SOX6: variants seen among roughly 807,000 people sequenced by gnomAD.
The protein encoded by SOX6 is transcription factor SOX-6.
A neutral mutation model predicts 97.8 loss-of-function variants in SOX6; 11 were observed. The ratio of observed to expected loss-of-function variants is 0.11; its 90% CI spans 0.07 to 0.19. The LOEUF (loss-of-function observed/expected upper bound fraction) is 0.19, where lower values mean the gene tolerates loss of function less well. Among genes scored for constraint, SOX6 ranks in the 10% least tolerant of loss-of-function variants. The pLI, the probability that SOX6 is intolerant of heterozygous loss-of-function variation, is 1.00. For missense variants in SOX6, 810 were observed against 1,039.5 expected, an observed-to-expected ratio of 0.78 and a Z score of 3.04; for synonymous variants, 360 against 371.4, an observed-to-expected ratio of 0.97 and a Z score of 0.35.
chr11:16,036,307 G>A (rs1400041467), intron 12 of SOX6, among the ~76,000 whole-genome samples: 2 of 152,132 alleles, frequency 1.3e-5, no homozygotes, highest in Admixed American at 6.5e-5. Flanking sequence ...TCGAACTCCC[G>A]ACCTCAGGTG....
chr11:16,549,440 A>G (rs12799024), intron 4 of SOX6, among the ~76,000 whole-genome samples: 29,560 of 152,164 alleles, frequency 0.19, 3,487 homozygotes, highest in Admixed American at 0.33. Flanking sequence ...ATATAACTAA[A>G]ATTTTTTAAA....
intron 4 of SOX6, among the ~76,000 whole-genome samples, chr11:16,536,409 G>A (rs1385768415): frequency 6.6e-6 from 1 of 152,182 alleles, no homozygotes; most frequent in African/African-American, 2.4e-5. Flanking sequence ...GGTGATTTCT[G>A]CATTTCCAAC....
intron 15 of SOX6, among the ~76,000 whole-genome samples, chr11:15,974,849 A>G (rs4756841): frequency 0.32 from 48,645 of 151,882 alleles, 9,358 homozygotes; most frequent in Non-Finnish European, 0.43. Context: ...AGGTATACCA[A>G]CTCACCCAAT....
chr11:16,262,976 C>A (rs1207975508), intron 3 of SOX6, among the ~76,000 whole-genome samples: 5 of 151,896 alleles, frequency 3.3e-5, no homozygotes, highest in African/African-American at 1.2e-4. Flanking sequence ...TATTCTCAAA[C>A]ATCACAAAAC....
intron 3 of SOX6, among the ~76,000 whole-genome samples, chr11:16,265,407 C>T (rs1854052802): frequency 6.6e-6 from 1 of 151,706 alleles, no homozygotes; most frequent in South Asian, 2.1e-4. Context: ...ATAAATCCTG[C>T]CTTATCCTGC....
At chr11:16,320,357 G>A (rs950618209) in intron 2 of SOX6, among the ~76,000 whole-genome samples, 1 of 152,032 alleles carries the variant, frequency 6.6e-6, no homozygotes, top group African/African-American at 2.4e-5. Context: ...TGGGAAAAGG[G>A]GGGAAAAGGA....
intron 4 of SOX6, among the ~76,000 whole-genome samples, chr11:16,589,491 T>G (rs1848127827): frequency 6.6e-6 from 1 of 152,148 alleles, no homozygotes; most frequent in South Asian, 2.1e-4. Context: ...TTTAAAATGA[T>G]TCTTCCAAAA....
At chr11:16,559,878 C>T (rs1847788806) in intron 4 of SOX6, among the ~76,000 whole-genome samples, 1 of 152,036 alleles carries the variant, frequency 6.6e-6, no homozygotes, top group Non-Finnish European at 1.5e-5. Flanking sequence ...ATTTTCCTAG[C>T]ATATTAATGC....
chr11:16,483,808 T>A (rs752731840), intron 4 of SOX6, among the ~76,000 whole-genome samples: 1 of 152,164 alleles, frequency 6.6e-6, no homozygotes, highest in Non-Finnish European at 1.5e-5. Flanking sequence ...CAGTTCCTGT[T>A]GTAGTTGAGT....
chr11:15,986,032 T>C (rs1853825983), intron 15 of SOX6, among the ~76,000 whole-genome samples, 172 bp downstream of exon 15: 1 of 152,138 alleles, frequency 6.6e-6, no homozygotes. Flanking sequence ...GCAAAAGCCA[T>C]GGTGCAAGGC....
intron 4 of SOX6, among the ~76,000 whole-genome samples, chr11:16,206,353 T>C (rs1852072352): frequency 6.6e-6 from 1 of 152,218 alleles, no homozygotes; most frequent in African/African-American, 2.4e-5. Flanking sequence ...TACATCATTC[T>C]GTATATGAGG....
At chr11:16,542,346 G>C (rs1362342234) in intron 4 of SOX6, among the ~76,000 whole-genome samples, 1 of 152,090 alleles carries the variant, frequency 6.6e-6, no homozygotes, top group Non-Finnish European at 1.5e-5. Context: ...GATAGCATTA[G>C]GAGAAATACC....
chr11:16,636,558 G>C (rs925704033), intron 3 of SOX6, among the ~76,000 whole-genome samples: 1 of 152,178 alleles, frequency 6.6e-6, no homozygotes, highest in African/African-American at 2.4e-5. Flanking sequence ...TTGGGGGACT[G>C]TTGGGAAGGC....
intron 3 of SOX6, among the ~76,000 whole-genome samples, chr11:16,269,587 A>G (rs12274377): frequency 1.3e-5 from 2 of 150,436 alleles, no homozygotes; most frequent in East Asian, 3.9e-4. Flanking sequence ...ATGTCGTTTT[A>G]TTTGTTCAGA....
At chr11:16,394,129 T>C (rs1052119687) in intron 1 of SOX6, among the ~76,000 whole-genome samples, 6 of 151,974 alleles carry the variant, frequency 3.9e-5, no homozygotes, top group Admixed American at 1.3e-4. Flanking sequence ...TTCCAAATAT[T>C]GTGAGATTGA....
chr11:16,682,910 G>A (rs986517820), intron 3 of SOX6, among the ~76,000 whole-genome samples: 1 of 152,154 alleles, frequency 6.6e-6, no homozygotes, highest in African/African-American at 2.4e-5. Flanking sequence ...CAAAATCAAT[G>A]TACAAAAATC....
At chr11:16,424,680 T>C (rs140976510) in intron 1 of SOX6, among the ~76,000 whole-genome samples, 2 of 152,206 alleles carry the variant, frequency 1.3e-5, no homozygotes, top group Non-Finnish European at 2.9e-5. Context: ...AGACTATGGA[T>C]GGAATTCCTA....
chr11:16,283,897 G>C (rs995702849), intron 3 of SOX6: 2 of 431,334 alleles, frequency 4.6e-6, no homozygotes, highest in African/African-American at 4.1e-5. Flanking sequence ...AGGTACTCCA[G>C]AAATCTTGAA....
At chr11:16,175,055 A>T (rs1440475699) in intron 6 of SOX6, among the ~76,000 whole-genome samples, 1 of 151,902 alleles carries the variant, frequency 6.6e-6, no homozygotes, top group East Asian at 1.9e-4. Flanking sequence ...GCCAGGGAAA[A>T]TTGTTGCACT....
Sources: gnomAD v4.1 joint callset for allele counts (sites outside exome capture counted in the v4.1 genomes callset) on GRCh38, gnomAD v4.1.1 for gene constraint, MANE v1.5 for transcripts, NCBI Gene and HGNC (gene_info 2026-07-23, HGNC 2026-07-21) for gene names.